TENM2: variants seen among roughly 807,000 people sequenced by gnomAD.
TENM2 encodes the protein teneurin transmembrane protein 2, also known as teneurin-2.
In TENM2, 52 loss-of-function variants were observed where a neutral mutation model predicts 245.2. The observed-to-expected ratio is 0.21, with a 90% confidence interval of 0.17 to 0.27. The LOEUF is 0.27. Among genes scored for constraint, TENM2 ranks in the 10% least tolerant of loss-of-function variants. TENM2 has a pLI of 1.00. For synonymous variants in TENM2, 1,363 were observed against 1,438.9 expected (o/e 0.95, Z 1.19); for missense variants, 3,046 against 3,666.8 (o/e 0.83, Z 4.37).
In TENM2 at chr5:168,218,167, G is replaced by C. The variant is rs1763365018; in HGVS notation, c.4276G>C (p.Asp1426His). The change falls in exon 23 of 29, where the codon GAT (aspartate) becomes CAT (histidine). Residue 1426 changes from aspartate (D) to histidine (H), a missense_variant. By Grantham distance (81) the Asp-to-His change is moderately conservative. Coordinates refer to ENST00000518659, the Ensembl canonical transcript of TENM2. The surrounding 1 kb of genome is among the most constrained non-coding windows in gnomAD (Gnocchi z 5.2). ...AACAGACCTTGCTGTCAATCCCATGGATAACTCCTTGTATGTTCTAGAGAA... is the reference window on the plus strand; with the variant it reads ...AACAGACCTTGCTGTCAATCCCATGCATAACTCCTTGTATGTTCTAGAGAA... The C allele has an allele frequency of 6.2e-7, 1 of 1,613,672 alleles. No individual in the cohort carries two copies. The highest frequency in any genetic ancestry group is 1.1e-5 in the South Asian group (1 of 91,058).
intron 23 of TENM2, among the ~76,000 whole-genome samples, chr5:168,224,607 G>A (rs548193196): frequency 3.3e-5 from 5 of 151,976 alleles, no homozygotes; most frequent in Non-Finnish European, 7.4e-5. Flanking sequence ...CCGCTCACAG[G>A]CCCTCCCCAC....
At chr5:167,802,540 G>A (rs1765858990) in intron 2 of TENM2, among the ~76,000 whole-genome samples, 1 of 152,152 alleles carries the variant, frequency 6.6e-6, no homozygotes, top group Non-Finnish European at 1.5e-5. Flanking sequence ...CTTAAAATGT[G>A]TGATCCTCTT....
intron 2 of TENM2, among the ~76,000 whole-genome samples, chr5:167,868,520 C>T (rs1409296976): frequency 6.6e-6 from 1 of 151,934 alleles, no homozygotes. Flanking sequence ...GGGCGGATCA[C>T]CTGAGGTCAG....
intron 7 of TENM2, among the ~76,000 whole-genome samples, chr5:168,063,233 T>A (rs1790200674): frequency 6.6e-6 from 1 of 152,224 alleles, no homozygotes; most frequent in East Asian, 1.9e-4. Context: ...GGCTCCCCTG[T>A]ACTAAGTTCC....
intron 1 of TENM2, among the ~76,000 whole-genome samples, chr5:167,346,515 A>G (rs542084639): frequency 6.6e-6 from 1 of 152,318 alleles, no homozygotes. Flanking sequence ...CATGCCACAT[A>G]TTGGTAAATA....
intron 2 of TENM2, among the ~76,000 whole-genome samples, chr5:167,684,522 G>C (rs993808487): frequency 6.6e-6 from 1 of 152,086 alleles, no homozygotes; most frequent in South Asian, 2.1e-4. Flanking sequence ...ATAGAGCTTG[G>C]GTAATATGTA....
intron 2 of TENM2, among the ~76,000 whole-genome samples, chr5:167,706,952 T>C (rs571220839): frequency 8.2e-5 from 12 of 145,992 alleles, no homozygotes; most frequent in South Asian, 2.1e-4. Context: ...GAGGCGGAGC[T>C]TGCAGTGAGC....
chr5:167,403,074 T>C (rs937263129), intron 2 of TENM2, among the ~76,000 whole-genome samples: 2 of 152,120 alleles, frequency 1.3e-5, no homozygotes, highest in African/African-American at 4.8e-5. Flanking sequence ...CTTATGGTTA[T>C]AGTTTCTCTC....
intron 25 of TENM2, among the ~76,000 whole-genome samples, chr5:168,230,183 T>A (rs1764721182): frequency 6.6e-6 from 1 of 152,216 alleles, no homozygotes; most frequent in Non-Finnish European, 1.5e-5. Flanking sequence ...GCATCGTGTT[T>A]ATGCAAATCA....
chr5:167,758,098 G>A (rs1762426927), intron 2 of TENM2, among the ~76,000 whole-genome samples: 1 of 152,114 alleles, frequency 6.6e-6, no homozygotes, highest in South Asian at 2.1e-4. Flanking sequence ...CCTTTTTAAA[G>A]TAATCCTGAA....
chr5:168,082,738 G>C (rs1792112151), intron 7 of TENM2, among the ~76,000 whole-genome samples: 1 of 152,146 alleles, frequency 6.6e-6, no homozygotes, highest in African/African-American at 2.4e-5. Flanking sequence ...TGTTTGCCTG[G>C]GTATCACCAG....
intron 2 of TENM2, among the ~76,000 whole-genome samples, chr5:167,465,527 C>G (rs1766585737): frequency 6.6e-6 from 1 of 152,188 alleles, no homozygotes; most frequent in Admixed American, 6.5e-5. Context: ...TGAAGCTCAG[C>G]CTGGATAAGA....
intron 3 of TENM2, among the ~76,000 whole-genome samples, chr5:167,922,614 A>T (rs1777455918): frequency 6.6e-6 from 1 of 152,174 alleles, no homozygotes; most frequent in Non-Finnish European, 1.5e-5. Context: ...CATATCCCTT[A>T]CAGGTGAGCA....
chr5:167,269,599 G>T, the TENM2 span, among the ~76,000 whole-genome samples: 1 of 151,878 alleles, frequency 6.6e-6, no homozygotes, highest in African/African-American at 2.4e-5. Flanking sequence ...TGTACTGTCA[G>T]TCCTCCCTCC....
At chr5:167,417,345 C>A (rs1763222639) in intron 2 of TENM2, among the ~76,000 whole-genome samples, 1 of 152,170 alleles carries the variant, frequency 6.6e-6, no homozygotes, top group Admixed American at 6.5e-5. Context: ...GAGTGCAGTG[C>A]TCCCCTCTTA....
At chr5:168,177,198 C>G (rs894291522) in intron 13 of TENM2, among the ~76,000 whole-genome samples, 5 of 152,208 alleles carry the variant, frequency 3.3e-5, no homozygotes, top group Non-Finnish European at 7.3e-5. Flanking sequence ...TCCCAGCTTC[C>G]CCACCCACCA....
intron 2 of TENM2, among the ~76,000 whole-genome samples, chr5:167,471,789 G>A (rs778610763): frequency 2.6e-5 from 4 of 152,154 alleles, no homozygotes; most frequent in African/African-American, 7.2e-5. Flanking sequence ...GAGGCTTTAC[G>A]TTGAAAATCT....
At chr5:167,076,869 C>T in the TENM2 span, among the ~76,000 whole-genome samples, 10 of 152,084 alleles carry the variant, frequency 6.6e-5, no homozygotes, top group African/African-American at 1.7e-4. Flanking sequence ...GACAGAGTCT[C>T]GCCCTCTGTT....
In TENM2 at chr5:167,393,127, A is replaced by G. The variant is rs183185849; in HGVS notation, c.502+17654A>G. Among the ~76,000 whole-genome samples the G allele has an allele frequency of 8.0e-5, 12 of 150,762 alleles. No homozygotes were observed. In the East Asian group the frequency reaches 9.7e-4, roughly 12 times the overall value. On this transcript the variant is annotated intron_variant, in intron 2 of 28. Coordinates refer to ENST00000518659, the Ensembl canonical transcript of TENM2. ...ACAGAGCAAGACTCCATCTCGGGGGAAAAAAAAGGAAAAAAAAAGTTAATT... is the reference window on the plus strand; with the variant it reads ...ACAGAGCAAGACTCCATCTCGGGGGGAAAAAAAGGAAAAAAAAAGTTAATT...
Sources: allele counts gnomAD v4.1 joint callset (sites outside exome capture counted in the v4.1 genomes callset), GRCh38; gene constraint gnomAD v4.1.1; non-coding constraint Gnocchi (gnomAD v3.1); transcripts MANE v1.5; gene names NCBI Gene and HGNC (gene_info 2026-07-23, HGNC 2026-07-21).